The following CAMK2D variants were observed in gnomAD, a reference collection of about 807,000 sequenced individuals.
CAMK2D encodes the protein calcium/calmodulin-dependent protein kinase type II subunit delta.
A neutral mutation model predicts 84.0 loss-of-function variants in CAMK2D; 37 were observed. The ratio of observed to expected loss-of-function variants is 0.44; its 90% CI spans 0.34 to 0.58. CAMK2D has a LOEUF of 0.58. Ranked by LOEUF, CAMK2D falls within the 20% of genes least tolerant of loss-of-function variation. The pLI is 0.02. For synonymous variants in CAMK2D, 202 were observed against 212.5 expected, an observed-to-expected ratio of 0.95 and a Z score of 0.43; for missense variants, 448 against 652.5, an observed-to-expected ratio of 0.69 and a Z score of 3.41.
chr4:113,669,509 G>A (rs749986958), intron 2 of CAMK2D, among the ~76,000 whole-genome samples: 3 of 152,082 alleles, frequency 2.0e-5, no homozygotes, highest in Non-Finnish European at 1.5e-5. Context: ...ACTGTTGGTG[G>A]ACTGTAGATT....
chr4:113,679,408 C>T, intron 2 of CAMK2D: 2 of 952,090 alleles, frequency 2.1e-6, no homozygotes, highest in Non-Finnish European at 2.5e-6. Flanking sequence ...CTTGCCTCTC[C>T]CCAGCCATTT....
chr4:113,475,058 T>C (rs1054131328), intron 16 of CAMK2D, among the ~76,000 whole-genome samples: 1 of 152,252 alleles, frequency 6.6e-6, no homozygotes, highest in Non-Finnish European at 1.5e-5. Flanking sequence ...TAGGTTTTAA[T>C]TTCTTTCAGT....
At chr4:113,581,535 A>T (rs1269928004) in intron 4 of CAMK2D, among the ~76,000 whole-genome samples, 1 of 139,160 alleles carries the variant, frequency 7.2e-6, no homozygotes, top group African/African-American at 2.8e-5. Flanking sequence ...AAAAAAAAAG[A>T]AAAGAAAAGA....
At chr4:113,752,896 T>G (rs2099620570) in intron 2 of CAMK2D, among the ~76,000 whole-genome samples, 1 of 152,124 alleles carries the variant, frequency 6.6e-6, no homozygotes, top group East Asian at 1.9e-4. Flanking sequence ...CCCAAAGAAA[T>G]ACTCAATCCC....
intron 8 of CAMK2D, among the ~76,000 whole-genome samples, chr4:113,525,511 A>G (rs1323304518): frequency 3.3e-5 from 5 of 152,168 alleles, no homozygotes; most frequent in Non-Finnish European, 5.9e-5. Flanking sequence ...ATTAATGTTT[A>G]TTATTTGCTT....
intron 17 of CAMK2D, among the ~76,000 whole-genome samples, chr4:113,463,096 G>C (rs548705084): frequency 3.9e-5 from 6 of 152,224 alleles, no homozygotes; most frequent in African/African-American, 1.2e-4. Context: ...TCATACATAA[G>C]TATATGCATG....
chr4:113,454,623 C>A, intron 20 of CAMK2D, 108 bp from the exon 21 acceptor site: 1 of 697,224 alleles, frequency 1.4e-6, no homozygotes. Flanking sequence ...ACTTGGCTAA[C>A]AAATAGATTG....
chr4:113,732,885 G>A (rs1243894668), intron 2 of CAMK2D, among the ~76,000 whole-genome samples: 1 of 152,018 alleles, frequency 6.6e-6, no homozygotes, highest in Non-Finnish European at 1.5e-5. Context: ...AGATATATTA[G>A]TGCTTCTCTA....
intron 8 of CAMK2D, 37 bp downstream of exon 8, chr4:113,531,179 C>T (rs2098455714): frequency 9.4e-7 from 1 of 1,060,412 alleles, no homozygotes. Flanking sequence ...AAGACACTAG[C>T]TTATCACAAA....
intron 2 of CAMK2D, among the ~76,000 whole-genome samples, chr4:113,662,260 A>G (rs1184255985): frequency 1.3e-5 from 2 of 152,146 alleles, no homozygotes; most frequent in Non-Finnish European, 2.9e-5. Context: ...TGTTGGCTCA[A>G]CTTCCTAGGT....
intron 2 of CAMK2D, among the ~76,000 whole-genome samples, chr4:113,675,455 A>T (rs183407357): frequency 1.3e-5 from 2 of 152,226 alleles, no homozygotes; most frequent in East Asian, 1.9e-4. Flanking sequence ...AAAAGTTTAC[A>T]AACATGAATG....
At chr4:113,746,914 G>A (rs2099605358) in intron 2 of CAMK2D, among the ~76,000 whole-genome samples, 1 of 148,500 alleles carries the variant, frequency 6.7e-6, no homozygotes, top group Non-Finnish European at 1.5e-5. Context: ...GAAGTCAATA[G>A]GCTTTCTGCT....
At chr4:113,625,861 C>T (rs1466535697) in intron 3 of CAMK2D, among the ~76,000 whole-genome samples, 3 of 151,844 alleles carry the variant, frequency 2.0e-5, no homozygotes, top group Non-Finnish European at 4.4e-5. Context: ...GGTAGAAACA[C>T]AGAAACATGC....
chr4:113,482,576 TGAAAG>T (rs2097713781), intron 16 of CAMK2D, among the ~76,000 whole-genome samples: 1 of 152,078 alleles, frequency 6.6e-6, no homozygotes. Context: ...TGAGGAGAAA[TGAAAG>T]AGAAATGTTC....
chr4:113,498,731 A>C (rs1057429386), intron 16 of CAMK2D, among the ~76,000 whole-genome samples: 9 of 152,178 alleles, frequency 5.9e-5, no homozygotes, highest in African/African-American at 2.2e-4. Context: ...GTTTTCTAAG[A>C]ACTGATATTA....
At chr4:113,492,645 A>C (rs1453918996) in intron 16 of CAMK2D, among the ~76,000 whole-genome samples, 1 of 150,904 alleles carries the variant, frequency 6.6e-6, no homozygotes, top group Non-Finnish European at 1.5e-5. Flanking sequence ...AGTTCTGTAG[A>C]TGTCTATTAG....
intron 2 of CAMK2D, among the ~76,000 whole-genome samples, chr4:113,722,476 G>A (rs1042778075): frequency 2.0e-5 from 3 of 152,132 alleles, no homozygotes; most frequent in African/African-American, 7.2e-5. Context: ...GTAGCTGACT[G>A]AGGCCAAAAT....
chr4:113,741,549 G>A (rs2099592968), intron 2 of CAMK2D, among the ~76,000 whole-genome samples: 1 of 151,972 alleles, frequency 6.6e-6, no homozygotes, highest in Non-Finnish European at 1.5e-5. Flanking sequence ...ACCAACTGGG[G>A]GTCTTGGAAC....
intron 8 of CAMK2D, among the ~76,000 whole-genome samples, chr4:113,527,950 T>C (rs190713417): frequency 2.0e-5 from 3 of 152,276 alleles, no homozygotes; most frequent in African/African-American, 7.2e-5. Context: ...AAATGAATAA[T>C]TTATTTAAAT....
Sources: gnomAD v4.1 joint callset for allele counts (sites outside exome capture counted in the v4.1 genomes callset) on GRCh38, gnomAD v4.1.1 for gene constraint, MANE v1.5 for transcripts, NCBI Gene and HGNC (gene_info 2026-07-23, HGNC 2026-07-21) for gene names.